Variants in CCDC7 observed in about 807,000 individuals in gnomAD.
The protein encoded by CCDC7 is coiled-coil domain-containing protein 7.
Under a neutral mutation model 196.9 loss-of-function variants are expected in CCDC7, and 183 were observed. That is an observed-to-expected ratio of 0.93 (90% CI 0.82 to 1.05). CCDC7 has a LOEUF of 1.05. Ranked by LOEUF, CCDC7 falls within the 50% of genes least tolerant of loss-of-function variation. CCDC7 has a pLI of 0.00. For synonymous variants in CCDC7, 525 were observed against 484.6 expected, an observed-to-expected ratio of 1.08 and a Z score of -1.10; for missense variants, 1,540 against 1,482.2, an observed-to-expected ratio of 1.04 and a Z score of -0.64.
chr10:32,744,397 C>T (rs905995307), intron 28 of CCDC7, among the ~76,000 whole-genome samples: 26 of 151,366 alleles, frequency 1.7e-4, no homozygotes, highest in African/African-American at 4.8e-5. Context: ...AAGAAACAGC[C>T]AAAGTGTCTT....
At chr10:32,486,598 A>G (rs10827065) in intron 8 of CCDC7, among the ~76,000 whole-genome samples, 426 of 2,918 alleles carry the variant, frequency 0.15, 155 homozygotes, top group African/African-American at 0.16. Flanking sequence ...AGCCTCGACG[A>G]TCTTTACAAT....
intron 20 of CCDC7, among the ~76,000 whole-genome samples, chr10:32,644,369 A>G (rs2067379535): frequency 6.6e-6 from 1 of 152,154 alleles, no homozygotes; most frequent in South Asian, 2.1e-4. Flanking sequence ...ACCCCTCCAC[A>G]GCCTCTGATA....
chr10:32,666,175 G>C (rs1279207795), intron 21 of CCDC7, among the ~76,000 whole-genome samples: 5 of 134,782 alleles, frequency 3.7e-5, no homozygotes, highest in African/African-American at 1.4e-4. Context: ...TTTAGTCCTT[G>C]TGGTAGTCCT....
At chr10:32,644,108 T>C (rs1373872614) in intron 20 of CCDC7, among the ~76,000 whole-genome samples, 1 of 152,150 alleles carries the variant, frequency 6.6e-6, no homozygotes, top group Non-Finnish European at 1.5e-5. Flanking sequence ...TGGGGTACAA[T>C]ATGGTGTTTT....
At chr10:32,508,365 A>G (rs919953965) in intron 9 of CCDC7, among the ~76,000 whole-genome samples, 11 of 152,242 alleles carry the variant, frequency 7.2e-5, no homozygotes, top group Non-Finnish European at 1.2e-4. Flanking sequence ...ACAGAAAACT[A>G]TAAAACACAT....
At chr10:32,627,658 G>A (rs189010515) in intron 18 of CCDC7, among the ~76,000 whole-genome samples, 3 of 151,718 alleles carry the variant, frequency 2.0e-5, no homozygotes. Context: ...GTCATATATG[G>A]CCTTTATTGT....
intron 26 of CCDC7, among the ~76,000 whole-genome samples, 162 bp from the exon 28 acceptor site, chr10:32,728,725 G>A (rs1393696272): frequency 6.6e-6 from 1 of 152,036 alleles, no homozygotes; most frequent in African/African-American, 2.4e-5. Context: ...ATGAAATAAT[G>A]GCTTAGCTTC....
intron 8 of CCDC7, among the ~76,000 whole-genome samples, chr10:32,479,456 T>C (rs571542963): frequency 6.6e-6 from 1 of 152,306 alleles, no homozygotes; most frequent in East Asian, 1.9e-4. Context: ...TTTCCCCATA[T>C]ATTGAGGCTA....
At chr10:32,443,541 A>T (rs2030461677), upstream of CCDC7, among the ~76,000 whole-genome samples, 1 of 152,212 alleles carries the variant, frequency 6.6e-6, no homozygotes, top group Non-Finnish European at 1.5e-5. Flanking sequence ...TCTCAATGAT[A>T]TCAGCTTTCA....
At chr10:32,465,291 C>T (rs1440037573) in intron 5 of CCDC7, among the ~76,000 whole-genome samples, 2 of 152,084 alleles carry the variant, frequency 1.3e-5, no homozygotes, top group Non-Finnish European at 2.9e-5. Flanking sequence ...CATTCAGAGC[C>T]ACATTTATTT....
intron 25 of CCDC7, among the ~76,000 whole-genome samples, chr10:32,725,195 T>C (rs905313491): frequency 7.2e-5 from 11 of 152,118 alleles, no homozygotes; most frequent in African/African-American, 2.7e-4. Context: ...TGTATGTATA[T>C]ATCCTTTCTT....
chr10:32,702,783 C>G (rs1201322193), intron 24 of CCDC7, among the ~76,000 whole-genome samples: 2 of 152,142 alleles, frequency 1.3e-5, no homozygotes, highest in African/African-American at 4.8e-5. Flanking sequence ...CCTTCTTTGT[C>G]TCTTTTGATC....
intron 24 of CCDC7, among the ~76,000 whole-genome samples, chr10:32,703,145 G>C (rs1169622143): frequency 6.6e-6 from 1 of 152,118 alleles, no homozygotes; most frequent in African/African-American, 2.4e-5. Flanking sequence ...TTTCGCAGTG[G>C]CTGGTACTGG....
At chr10:32,600,433 A>G (rs1318498073) in intron 18 of CCDC7, among the ~76,000 whole-genome samples, 1 of 152,044 alleles carries the variant, frequency 6.6e-6, no homozygotes, top group East Asian at 1.9e-4. Context: ...TACTGAATTC[A>G]TTTATCAAAT....
intron 11 of CCDC7, among the ~76,000 whole-genome samples, chr10:32,537,676 G>A (rs963294922): frequency 4.6e-5 from 7 of 152,124 alleles, no homozygotes; most frequent in Non-Finnish European, 1.0e-4. Context: ...TGAATGTGGT[G>A]TAAGGTAGGG....
intron 29 of CCDC7, among the ~76,000 whole-genome samples, chr10:32,802,231 A>G (rs930286654): frequency 1.3e-5 from 2 of 152,210 alleles, no homozygotes; most frequent in African/African-American, 4.8e-5. Flanking sequence ...CTTAGGAGCA[A>G]CCAACCAACT....
chr10:32,748,081 A>G (rs527412035), intron 28 of CCDC7, among the ~76,000 whole-genome samples: 2 of 152,338 alleles, frequency 1.3e-5, no homozygotes, highest in South Asian at 4.1e-4. Flanking sequence ...CAGAGCTAGC[A>G]GCCATTATCC....
chr10:32,467,080 A>G (rs1328514613), intron 5 of CCDC7, among the ~76,000 whole-genome samples: 2 of 151,212 alleles, frequency 1.3e-5, no homozygotes, highest in Non-Finnish European at 2.9e-5. Context: ...CTTCTTTTGA[A>G]AAGCGTCGTT....
intron 3 of CCDC7, among the ~76,000 whole-genome samples, chr10:32,459,419 G>A (rs770326921): frequency 1.3e-5 from 2 of 152,038 alleles, no homozygotes; most frequent in Non-Finnish European, 2.9e-5. Flanking sequence ...GAATATGTCT[G>A]CTATGCTCTC....
Sources: allele counts gnomAD v4.1 joint callset (sites outside exome capture counted in the v4.1 genomes callset), GRCh38; gene constraint gnomAD v4.1.1; transcripts MANE v1.5; gene names NCBI Gene and HGNC (gene_info 2026-07-23, HGNC 2026-07-21).